RCAN2: variants seen among roughly 807,000 people sequenced by gnomAD.
The protein encoded by RCAN2 is calcipressin-2.
In RCAN2, 9 loss-of-function variants were observed where a neutral mutation model predicts 23.6. The ratio of observed to expected loss-of-function variants is 0.38; its 90% CI spans 0.23 to 0.67. The LOEUF (loss-of-function observed/expected upper bound fraction) is 0.67, where lower values mean the gene tolerates loss of function less well. RCAN2 is among the 30% of genes least tolerant of loss of function. The pLI is 0.51. For synonymous variants in RCAN2, 109 were observed against 115.7 expected (o/e 0.94, Z 0.37); for missense variants, 273 against 302.3 (o/e 0.90, Z 0.72).
chr6:46,474,281 AG>A lies in RCAN2; in HGVS notation c.-3+16891del, dbSNP rs567797508. Among the ~76,000 whole-genome samples, 92 of 152,172 alleles carry A rather than the reference AG, an allele frequency of 6.0e-4. 1 individual carries two copies. The South Asian group carries it at 0.018, about 30-fold the overall frequency. On this transcript the variant is annotated intron_variant, in intron 1 of 4. Coordinates refer to ENST00000371374, the MANE Select transcript of RCAN2 (RefSeq NM_001251974.2). ...AAAATTATTGAGCAAATATATACAGAGGGGAGAGCTTACTACATATTAAAAG... is the reference window on the plus strand; with the variant it reads ...AAAATTATTGAGCAAATATATACAGAGGGAGAGCTTACTACATATTAAAAG...
At chr6:46,226,737 A>T (rs1371896840) in intron 4 of RCAN2, among the ~76,000 whole-genome samples, 3 of 152,198 alleles carry the variant, frequency 2.0e-5, no homozygotes, top group Non-Finnish European at 2.9e-5. Flanking sequence ...GGAAACAGAG[A>T]CAATTTGACT....
chr6:46,309,193 T>C (rs1449283648), intron 2 of RCAN2, among the ~76,000 whole-genome samples: 3 of 152,204 alleles, frequency 2.0e-5, no homozygotes, highest in Non-Finnish European at 2.9e-5. Flanking sequence ...ATCATCACCA[T>C]AATCCTGAGA....
chr6:46,296,986 C>T (rs1287550644), intron 2 of RCAN2, among the ~76,000 whole-genome samples: 1 of 152,118 alleles, frequency 6.6e-6, no homozygotes. Flanking sequence ...ACCAAAAATA[C>T]TCGAAATTAC....
chr6:46,488,197 C>T (rs903478951), intron 1 of RCAN2, among the ~76,000 whole-genome samples: 2 of 152,212 alleles, frequency 1.3e-5, no homozygotes, highest in African/African-American at 2.4e-5. Context: ...ATTCAGAATG[C>T]TGGTCAGAGC....
chr6:46,447,342 CTAGAGAGAGAATA>C (rs1767744862), intron 2 of RCAN2, among the ~76,000 whole-genome samples: 1 of 151,550 alleles, frequency 6.6e-6, no homozygotes, highest in Non-Finnish European at 1.5e-5. Flanking sequence ...ATTAATAGAT[CTAGAGAGAGAATA>C]GAGAGAGAGA....
intron 2 of RCAN2, among the ~76,000 whole-genome samples, chr6:46,275,960 C>T (rs1767682627): frequency 6.6e-6 from 1 of 152,138 alleles, no homozygotes. Flanking sequence ...GTAATCCCAG[C>T]ACTTTGGGAG....
rs1020431418 is a variant in RCAN2 at position 46,273,129 on chromosome 6, T to C, written c.226-24233A>G. 2.0e-5 allele frequency among the ~76,000 whole-genome samples: 3 copies of C among 152,222 alleles called. No homozygotes were observed. The East Asian group carries it at 5.8e-4, about 29-fold the overall frequency. ...CTGTGGTATTTTGAATTTCAGGAGT[T>C]GCGGTTCCAACATCTTGGAAGTGGG... On this transcript the variant is annotated intron_variant, in intron 2 of 4. Transcript: ENST00000371374.
At chr6:46,486,833 T>C (rs983586734) in intron 1 of RCAN2, among the ~76,000 whole-genome samples, 5 of 152,236 alleles carry the variant, frequency 3.3e-5, no homozygotes, top group African/African-American at 1.2e-4. Context: ...GTTTGAATTG[T>C]ATTTGGAAGC....
At chr6:46,391,259 G>A (rs1765927175) in intron 2 of RCAN2, among the ~76,000 whole-genome samples, 1 of 152,162 alleles carries the variant, frequency 6.6e-6, no homozygotes, top group African/African-American at 2.4e-5. Flanking sequence ...GTAGGGACAT[G>A]GATGAAGCTG....
At chr6:46,303,097 T>TGCAG (rs1582084168) in intron 2 of RCAN2, among the ~76,000 whole-genome samples, 2 of 152,116 alleles carry the variant, frequency 1.3e-5, no homozygotes, top group South Asian at 4.1e-4. Context: ...AGTAACTCAC[T>TGCAG]TTCTGGGTTC....
chr6:46,288,093 A>G (rs1384550180), intron 2 of RCAN2, among the ~76,000 whole-genome samples: 1 of 152,128 alleles, frequency 6.6e-6, no homozygotes, highest in African/African-American at 2.4e-5. Flanking sequence ...TAAGGACTTA[A>G]ATAAGAACAC....
chr6:46,449,777 G>T (rs1482656240), intron 2 of RCAN2, among the ~76,000 whole-genome samples: 1 of 151,894 alleles, frequency 6.6e-6, no homozygotes. Context: ...TCCACATTCA[G>T]AAGAATGAAA....
At chr6:46,297,548 G>A (rs1172372189) in intron 2 of RCAN2, among the ~76,000 whole-genome samples, 1 of 152,032 alleles carries the variant, frequency 6.6e-6, no homozygotes, top group Non-Finnish European at 1.5e-5. Flanking sequence ...GAGGAGAAAT[G>A]TTAAGAAGAG....
chr6:46,223,783 G>A (rs552541502), intron 4 of RCAN2, among the ~76,000 whole-genome samples: 5 of 152,282 alleles, frequency 3.3e-5, no homozygotes, highest in African/African-American at 1.2e-4. Context: ...ATAAGGTGGG[G>A]TTATCACATG....
At chr6:46,383,168 A>AGT (rs71305761) in intron 2 of RCAN2, among the ~76,000 whole-genome samples, 13,012 of 139,142 alleles carry the variant, frequency 0.094, 725 homozygotes, top group African/African-American at 0.16. Flanking sequence ...CAGCCTGGGT[A>AGT]GTGTGTGTGT....
chr6:46,334,168 T>C (rs1764069996), intron 2 of RCAN2, among the ~76,000 whole-genome samples: 1 of 152,206 alleles, frequency 6.6e-6, no homozygotes, highest in African/African-American at 2.4e-5. Context: ...TAGGTAGCAC[T>C]CCTTTCACTA....
At chr6:46,481,579 G>A (rs1370237154) in intron 1 of RCAN2, among the ~76,000 whole-genome samples, 1 of 152,092 alleles carries the variant, frequency 6.6e-6, no homozygotes, top group South Asian at 2.1e-4. Flanking sequence ...TCTGAAAATT[G>A]TATGCATTTG....
chr6:46,291,445 G>A (rs1410515261), intron 2 of RCAN2, among the ~76,000 whole-genome samples: 1 of 151,864 alleles, frequency 6.6e-6, no homozygotes, highest in Non-Finnish European at 1.5e-5. Context: ...CCAGCGGTGG[G>A]AACCAAGTTT....
At chr6:46,431,531 T>C (rs1393752553) in intron 2 of RCAN2, among the ~76,000 whole-genome samples, 1 of 152,198 alleles carries the variant, frequency 6.6e-6, no homozygotes, top group African/African-American at 2.4e-5. Flanking sequence ...CTAGAGGTGA[T>C]TCTAATGCTT....
Sources: gnomAD v4.1 joint callset for allele counts (sites outside exome capture counted in the v4.1 genomes callset) on GRCh38, gnomAD v4.1.1 for gene constraint, MANE v1.5 for transcripts, NCBI Gene and HGNC (gene_info 2026-07-23, HGNC 2026-07-21) for gene names.